The following SV2C variants were observed in gnomAD, a reference collection of about 807,000 sequenced individuals.
The protein encoded by SV2C is synaptic vesicle glycoprotein 2C.
A neutral mutation model predicts 79.7 loss-of-function variants in SV2C; 49 were observed. The observed-to-expected ratio is 0.61, with a 90% CI of 0.49 to 0.78. The LOEUF is 0.78. Among genes scored for constraint, SV2C ranks in the 30% least tolerant of loss-of-function variants. The pLI is 0.00. For synonymous variants in SV2C, 334 were observed against 333.2 expected, an observed-to-expected ratio of 1.00 and a Z score of -0.03; for missense variants, 833 against 912.9, an observed-to-expected ratio of 0.91 and a Z score of 1.13.
At chr5:75,858,597 A>G in the SV2C span, among the ~76,000 whole-genome samples, 1 of 152,178 alleles carries the variant, frequency 6.6e-6, no homozygotes, top group East Asian at 1.9e-4. Flanking sequence ...TTTTGGTATC[A>G]AGGTAATACT....
the SV2C span, among the ~76,000 whole-genome samples, chr5:76,001,060 A>G: frequency 6.6e-6 from 1 of 152,016 alleles, no homozygotes; most frequent in East Asian, 1.9e-4. Context: ...AGAGATGAAC[A>G]GTTGAGCTCT....
chr5:75,955,156 T>A, the SV2C span, among the ~76,000 whole-genome samples: 3 of 151,520 alleles, frequency 2.0e-5, no homozygotes, highest in African/African-American at 7.3e-5. Flanking sequence ...ACTACAAGGC[T>A]ACAGTAACCA....
intron 1 of SV2C, among the ~76,000 whole-genome samples, chr5:76,098,125 T>A (rs150199446): frequency 6.6e-6 from 1 of 152,280 alleles, no homozygotes; most frequent in African/African-American, 2.4e-5. Context: ...CTGTGGGAGA[T>A]GCCCAGTAGG....
intron 2 of SV2C, among the ~76,000 whole-genome samples, chr5:76,140,544 C>T (rs1427727707): frequency 6.6e-6 from 1 of 152,102 alleles, no homozygotes; most frequent in Non-Finnish European, 1.5e-5. Flanking sequence ...TCTTATTTTC[C>T]ACTAGACTGC....
chr5:75,998,019 G>T, the SV2C span, among the ~76,000 whole-genome samples: 13 of 151,962 alleles, frequency 8.6e-5, no homozygotes, highest in Non-Finnish European at 1.6e-4. Flanking sequence ...CCATAAAAAA[G>T]GATGAGTTCA....
At chr5:76,042,629 T>G in the SV2C span, among the ~76,000 whole-genome samples, 1 of 152,212 alleles carries the variant, frequency 6.6e-6, no homozygotes, top group African/African-American at 2.4e-5. Context: ...CCAAGTAATT[T>G]TCATACATCC....
At chr5:75,870,241 A>G in the SV2C span, among the ~76,000 whole-genome samples, 1 of 152,076 alleles carries the variant, frequency 6.6e-6, no homozygotes, top group East Asian at 1.9e-4. Context: ...GCTTTGGGAA[A>G]CTCAAGAAAA....
At chr5:76,033,056 T>G in the SV2C span, among the ~76,000 whole-genome samples, 73 of 152,270 alleles carry the variant, frequency 4.8e-4, no homozygotes, top group African/African-American at 1.6e-3. Flanking sequence ...TTTTGAGAAG[T>G]GTCTGTTCAT....
the SV2C span, among the ~76,000 whole-genome samples, chr5:75,995,239 C>T: frequency 3.3e-5 from 5 of 152,110 alleles, no homozygotes; most frequent in Admixed American, 6.6e-5. Context: ...GCTCTCTGAG[C>T]ATCCCTTAGC....
intron 2 of SV2C, among the ~76,000 whole-genome samples, chr5:76,144,013 G>GT (rs145643518): frequency 0.021 from 3,153 of 152,000 alleles, 42 homozygotes; most frequent in Non-Finnish European, 0.031. Context: ...AAAACTTGAT[G>GT]GCCTAATTTT....
At chr5:75,865,858 T>C in the SV2C span, among the ~76,000 whole-genome samples, 26 of 152,300 alleles carry the variant, frequency 1.7e-4, no homozygotes, top group Middle Eastern at 3.4e-3. Flanking sequence ...TTAGCCAACC[T>C]TTGTCACCAG....
chr5:75,952,694 G>A, the SV2C span, among the ~76,000 whole-genome samples: 5 of 151,654 alleles, frequency 3.3e-5, no homozygotes, highest in African/African-American at 1.2e-4. Context: ...TCCACCATGG[G>A]TAAATGCTCC....
At chr5:75,924,634 C>T in the SV2C span, among the ~76,000 whole-genome samples, 1 of 152,020 alleles carries the variant, frequency 6.6e-6, no homozygotes, top group Non-Finnish European at 1.5e-5. Context: ...CTATGCAGCC[C>T]TTAATATATG....
chr5:76,048,862 TGAGAGA>T, the SV2C span, among the ~76,000 whole-genome samples: 329 of 65,874 alleles, frequency 5.0e-3, 3 homozygotes, highest in Non-Finnish European at 8.6e-3. Context: ...AGGAAGGGGG[TGAGAGA>T]GAGAGAGAGA....
intron 2 of SV2C, among the ~76,000 whole-genome samples, chr5:76,165,709 TA>T (rs1282607988): frequency 6.6e-6 from 1 of 152,164 alleles, no homozygotes; most frequent in Non-Finnish European, 1.5e-5. Flanking sequence ...TGTTGACTAG[TA>T]TGAGCAATAT....
chr5:76,230,249 A>G (rs1337343497), intron 4 of SV2C, among the ~76,000 whole-genome samples: 1 of 152,234 alleles, frequency 6.6e-6, no homozygotes, highest in Non-Finnish European at 1.5e-5. Context: ...ATTAAAACAC[A>G]TTGGCTATGA....
intron 2 of SV2C, among the ~76,000 whole-genome samples, chr5:76,159,257 A>T (rs935499227): frequency 6.6e-6 from 1 of 152,114 alleles, no homozygotes; most frequent in Non-Finnish European, 1.5e-5. Context: ...TCTAGTCAAC[A>T]TTGTACTGGA....
intron 2 of SV2C, among the ~76,000 whole-genome samples, chr5:76,135,628 A>G (rs1364308951): frequency 6.6e-6 from 1 of 152,242 alleles, no homozygotes; most frequent in East Asian, 1.9e-4. Context: ...AGCACAATAA[A>G]CACAATGAGC....
chr5:76,143,285 G>C (rs1285939320), intron 2 of SV2C, among the ~76,000 whole-genome samples: 2 of 152,150 alleles, frequency 1.3e-5, no homozygotes, highest in Non-Finnish European at 2.9e-5. Context: ...GTGGTCAGAT[G>C]ATGAGACACA....
Sources: gnomAD v4.1 joint callset for allele counts (sites outside exome capture counted in the v4.1 genomes callset) on GRCh38, gnomAD v4.1.1 for gene constraint, MANE v1.5 for transcripts, NCBI Gene and HGNC (gene_info 2026-07-23, HGNC 2026-07-21) for gene names.